C10orf143: variants seen among roughly 807,000 people sequenced by gnomAD.
The protein encoded by C10orf143 is uncharacterized protein C10orf143.
chr10:130,057,533 A>C (rs779935858), intron 3 of C10orf143, among the ~76,000 whole-genome samples: 1 of 152,196 alleles, frequency 6.6e-6, no homozygotes, highest in Non-Finnish European at 1.5e-5. Context: ...GAAGTTTCTA[A>C]AGGTCCTCAA....
rs1267433489 is a variant in C10orf143, at chr10:130,101,865, CA to C, written c.69+8838del. On this transcript the variant is annotated intron_variant, in intron 1 of 3. Coordinates refer to ENST00000637128, the MANE Select transcript of C10orf143 (RefSeq NM_001355042.2). ...ACTCTGTCTCAAAAAAAAAAAAAAC[CA>C]AAAAAAAAAAAAAAAAAAACTTTTT... Among the ~76,000 whole-genome samples, 97 of 47,742 alleles carry C rather than the reference CA, an allele frequency of 2.0e-3. 9 individuals carry two copies. Among genetic ancestry groups the C allele is most frequent in the African/African-American group, 9.0e-3 (68 of 7,590 alleles). The allele number at this position is 47,742 out of a possible 152,430, so 31.3% of individuals were successfully genotyped here.
intron 1 of C10orf143, chr10:130,107,259 G>A (rs748039354): frequency 9.7e-5 from 117 of 1,211,752 alleles, no homozygotes; most frequent in African/African-American, 1.6e-4. Flanking sequence ...GAAAATAGCC[G>A]GTTAGAGAAA....
At chr10:130,037,204 C>CT (rs1483748407) in intron 3 of C10orf143, among the ~76,000 whole-genome samples, 54 of 152,314 alleles carry the variant, frequency 3.5e-4, no homozygotes, top group African/African-American at 1.2e-3. Context: ...GATGGGTGAG[C>CT]AACAAGGCTT....
intron 3 of C10orf143, among the ~76,000 whole-genome samples, chr10:130,037,403 G>T (rs1860556623): frequency 6.6e-6 from 1 of 152,204 alleles, no homozygotes; most frequent in Non-Finnish European, 1.5e-5. Context: ...ACAAGAGAAG[G>T]CTCACTCCCA....
intron 3 of C10orf143, among the ~76,000 whole-genome samples, chr10:130,054,119 C>T (rs1338286095): frequency 6.6e-6 from 1 of 152,182 alleles, no homozygotes; most frequent in African/African-American, 2.4e-5. Flanking sequence ...TCGCAGATCT[C>T]GGGAACCCAT....
At chr10:130,106,604 G>A (rs1861652456) in intron 1 of C10orf143, 5 of 1,455,904 alleles carry the variant, frequency 3.4e-6, no homozygotes, top group East Asian at 2.3e-5. Context: ...CAAATCACAA[G>A]TAGCTGAAGC....
intron 3 of C10orf143, among the ~76,000 whole-genome samples, chr10:130,045,872 G>T (rs1267588439): frequency 6.6e-6 from 1 of 152,200 alleles, no homozygotes; most frequent in Non-Finnish European, 1.5e-5. Context: ...CTGTTGTGGG[G>T]AATCCGTCGT....
chr10:130,092,594 A>G (rs1314698134), intron 1 of C10orf143, among the ~76,000 whole-genome samples: 1 of 152,218 alleles, frequency 6.6e-6, no homozygotes, highest in African/African-American at 2.4e-5. Flanking sequence ...AATGGGATAA[A>G]TGCCCCCAAT....
chr10:130,050,424 C>T (rs1289236670), intron 3 of C10orf143, among the ~76,000 whole-genome samples: 1 of 152,208 alleles, frequency 6.6e-6, no homozygotes, highest in African/African-American at 2.4e-5. Flanking sequence ...GACGTGGCAG[C>T]GTGCGCCTGT....
At chr10:130,035,131 G>T (rs1443864832) in intron 4 of C10orf143, among the ~76,000 whole-genome samples, 1 of 152,224 alleles carries the variant, frequency 6.6e-6, no homozygotes, top group Admixed American at 6.5e-5. Context: ...AGGCTGGGTG[G>T]TTTAACCAAC....
chr10:130,070,392 T>G (rs1441391733), intron 3 of C10orf143, among the ~76,000 whole-genome samples: 1 of 152,218 alleles, frequency 6.6e-6, no homozygotes, highest in Non-Finnish European at 1.5e-5. Flanking sequence ...CAAAGATGCA[T>G]TCCAAGCTCT....
At chr10:130,092,683 C>A (rs1175895021) in intron 1 of C10orf143, among the ~76,000 whole-genome samples, 3 of 152,000 alleles carry the variant, frequency 2.0e-5, no homozygotes, top group Admixed American at 2.0e-4. Context: ...ATCTCACCTG[C>A]AAAGACACAC....
intron 3 of C10orf143, among the ~76,000 whole-genome samples, chr10:130,044,019 A>G (rs112990474): frequency 1.2e-4 from 17 of 146,912 alleles, no homozygotes; most frequent in South Asian, 2.2e-4. Flanking sequence ...GAGAGAGAGA[A>G]AGAGAGAGAG....
intron 3 of C10orf143, among the ~76,000 whole-genome samples, chr10:130,074,749 C>A (rs1435997951): frequency 6.6e-6 from 1 of 152,020 alleles, no homozygotes; most frequent in Non-Finnish European, 1.5e-5. Context: ...TTAAAGGTAA[C>A]CCATTTGGAG....
chr10:130,110,292 T>G (rs1861738629), intron 1 of C10orf143, among the ~76,000 whole-genome samples: 1 of 152,172 alleles, frequency 6.6e-6, no homozygotes, highest in African/African-American at 2.4e-5. Flanking sequence ...CACCCAGCCC[T>G]GGGCCTGGCA....
At chr10:130,090,762 G>A (rs1861368466) in intron 1 of C10orf143, among the ~76,000 whole-genome samples, 1 of 152,180 alleles carries the variant, frequency 6.6e-6, no homozygotes, top group African/African-American at 2.4e-5. Flanking sequence ...CAAGGCTTGA[G>A]TAGGCGGTTT....
chr10:130,049,453 T>A (rs1029497298), intron 3 of C10orf143, among the ~76,000 whole-genome samples: 4 of 152,162 alleles, frequency 2.6e-5, no homozygotes, highest in African/African-American at 9.7e-5. Flanking sequence ...ACAAGCATGG[T>A]GTGCGGCAGA....
chr10:130,054,423 G>C (rs185350600), intron 3 of C10orf143, among the ~76,000 whole-genome samples: 2 of 152,302 alleles, frequency 1.3e-5, no homozygotes, highest in Admixed American at 1.3e-4. Flanking sequence ...TGCTGTCTTT[G>C]AGTGGGCATG....
intron 3 of C10orf143, chr10:130,067,500 C>T (rs1306422993): frequency 1.3e-5 from 2 of 152,200 alleles, no homozygotes; most frequent in Admixed American, 6.5e-5. Context: ...TGCTTCTCCC[C>T]GAGTACCTGT....
Sources: allele counts gnomAD v4.1 joint callset (sites outside exome capture counted in the v4.1 genomes callset), GRCh38; gene constraint gnomAD v4.1.1; transcripts MANE v1.5; gene names NCBI Gene and HGNC (gene_info 2026-07-23, HGNC 2026-07-21).